Variants in FOXK1 observed in about 807,000 individuals in gnomAD.
FOXK1 encodes the protein forkhead box protein K1.
In FOXK1, 19 loss-of-function variants were observed where a neutral mutation model predicts 51.9. The observed-to-expected ratio is 0.37, with a 90% CI of 0.26 to 0.54. FOXK1 has a LOEUF of 0.54. Ranked by LOEUF, FOXK1 falls within the 20% of genes least tolerant of loss-of-function variation. The pLI is 0.87. For synonymous variants in FOXK1, 537 were observed against 482.6 expected, an observed-to-expected ratio of 1.11 and a Z score of -1.48; for missense variants, 870 against 1,032.7, an observed-to-expected ratio of 0.84 and a Z score of 2.16.
Position 4,687,595 on chromosome 7 carries a change from C to T in FOXK1, c.560+4727C>T, listed in dbSNP as rs1185588150. 4.6e-5 allele frequency among the ~76,000 whole-genome samples: 7 copies of T among 152,126 alleles called. 1 individual carries two copies. Among genetic ancestry groups the T allele is most frequent in the Admixed American group, 3.9e-4 (6 of 15,266 alleles). ...AGGCGTGAGCTACTACGCCCGGCCC[C>T]AACTGAATTCTTGATGCCACTTAAT... On this transcript the variant is annotated intron_variant, in intron 1 of 8. Coordinates refer to ENST00000328914, the MANE Select transcript of FOXK1 (RefSeq NM_001037165.2).
chr7:4,725,060 C>T (rs555611860), intron 1 of FOXK1, among the ~76,000 whole-genome samples: 3 of 152,368 alleles, frequency 2.0e-5, no homozygotes, highest in African/African-American at 7.2e-5. Flanking sequence ...CCCCCGAGGC[C>T]ATCCAAGCGC....
At chr7:4,700,679 G>A (rs1376135876) in intron 1 of FOXK1, among the ~76,000 whole-genome samples, 1 of 152,010 alleles carries the variant, frequency 6.6e-6, no homozygotes, top group Admixed American at 6.6e-5. Flanking sequence ...AGCCAGGTGT[G>A]GTATCATGCA....
rs961734390 is a variant in FOXK1 at position 4,768,072 on chromosome 7, C to T, written c.*5608C>T. 1 of 147,490 alleles carries T rather than the reference C, an allele frequency of 6.8e-6. No homozygotes were observed. Among genetic ancestry groups the T allele is most frequent in the African/African-American group, 2.5e-5 (1 of 40,322 alleles). 9.1% of individuals were successfully genotyped at this position (147,490 alleles called of 1,614,324 possible). Reference sequence around the variant, plus strand: ...GGGATTTTGGGGATACAACCACACACATTTCCCTCTGGACTGAAATTTTAA... The same window carrying T: ...GGGATTTTGGGGATACAACCACACATATTTCCCTCTGGACTGAAATTTTAA... On this transcript the variant is annotated 3_prime_UTR_variant, in exon 9 of 9. Coordinates refer to ENST00000328914, the MANE Select transcript of FOXK1 (RefSeq NM_001037165.2).
chr7:4,728,769 A>G (rs1780413694), intron 1 of FOXK1, among the ~76,000 whole-genome samples: 1 of 150,130 alleles, frequency 6.7e-6, no homozygotes, highest in Non-Finnish European at 1.5e-5. Flanking sequence ...AAGAAAACGT[A>G]TTTTTCTTAA....
intron 1 of FOXK1, among the ~76,000 whole-genome samples, chr7:4,725,692 G>T (rs1053318507): frequency 2.0e-5 from 3 of 152,286 alleles, no homozygotes; most frequent in African/African-American, 7.2e-5. Flanking sequence ...GACTGGCCCA[G>T]TGGGTGGCGA....
chr7:4,762,252 G>A lies in FOXK1; in HGVS notation c.1990G>A (p.Val664Met). The change falls in exon 9 of 9, where the codon GTG becomes ATG. Residue 664 changes from valine (V) to methionine (M), a missense_variant. Around this residue, in one of 3 missense-constraint regions of FOXK1, gnomAD observed 457 missense variants for 510.8 expected, o/e 0.89. Transcript: ENST00000328914. This position sits in a 1 kb window ranked among gnomAD's most constrained non-coding sequence, Gnocchi z 5.7. ...ATCCGCGCCGGTGGTGGTCACCCGG[G>A]TGTGCGAGGTGGGGCCCAAGGAGCC... ...SSSAPVVVTR[V>M]CEVGPKEPAA... is the part of the protein sequence containing the mutation. 1 of 1,552,048 alleles carries A rather than the reference G, an allele frequency of 6.4e-7. No homozygotes were observed. The highest frequency in any genetic ancestry group is 8.7e-7 in the Non-Finnish European group (1 of 1,147,394).
At chr7:4,689,160 TAG>T (rs1434683205) in intron 1 of FOXK1, among the ~76,000 whole-genome samples, 1 of 151,982 alleles carries the variant, frequency 6.6e-6, no homozygotes, top group Non-Finnish European at 1.5e-5. Flanking sequence ...GTATTTTTAG[TAG>T]AGAGGGGGTT....
chr7:4,736,729 A>G (rs182003240), intron 1 of FOXK1, among the ~76,000 whole-genome samples: 1 of 152,278 alleles, frequency 6.6e-6, no homozygotes, highest in Non-Finnish European at 1.5e-5. Context: ...TCAGGTTTTG[A>G]ACTGGAAAGC....
intron 1 of FOXK1, among the ~76,000 whole-genome samples, chr7:4,698,554 T>C (rs1779981242): frequency 6.6e-6 from 1 of 152,028 alleles, no homozygotes. Flanking sequence ...CGTACCTCTT[T>C]GTTGTTGTTG....
Position 4,682,733 on chromosome 7 carries a change from G to A in FOXK1, c.425G>A (p.Ser142Asn), listed in dbSNP as rs772471168. 2 of 1,604,204 alleles carry A rather than the reference G, an allele frequency of 1.2e-6. No individual in the cohort carries two copies. Among genetic ancestry groups the A allele is most frequent in the South Asian group, 2.2e-5 (2 of 90,456 alleles). ...GTGGACTTGAGCATGGGCCTGTCCA[G>A]CTTCATCTCGCGGCGCCACCTGCAG... is the stretch of plus-strand genomic sequence containing the variant. ...GSVDLSMGLSSFISRRHLQLS... is the reference protein window; with the variant it reads ...GSVDLSMGLSNFISRRHLQLS... Residue 142 changes from serine to asparagine, a missense_variant, in exon 1 of 9, where the codon AGC becomes AAC. Ser to Asn is a conservative substitution (Grantham distance 46, BLOSUM62 1). Transcript: ENST00000328914. This position sits in a 1 kb window ranked among gnomAD's most constrained non-coding sequence, Gnocchi z 7.6.
At chr7:4,746,319 T>A (rs1446940810) in intron 2 of FOXK1, among the ~76,000 whole-genome samples, 2 of 152,232 alleles carry the variant, frequency 1.3e-5, no homozygotes, top group Non-Finnish European at 2.9e-5. Context: ...CTTTTGAGTT[T>A]GGAGGTTATT....
In FOXK1 at chr7:4,715,244, T is replaced by C. The variant is rs1005299060; in HGVS notation, c.561-25594T>C. On this transcript the variant is annotated intron_variant, in intron 1 of 8. Transcript: ENST00000328914. This position sits in a 1 kb window ranked among gnomAD's most constrained non-coding sequence, Gnocchi z 4.5. Reference sequence around the variant, plus strand: ...TGTGATGATATCGGGCATGGCGAAATTGTGATACGGTGCATGGTGTTTTGT... The same window carrying C: ...TGTGATGATATCGGGCATGGCGAAACTGTGATACGGTGCATGGTGTTTTGT... Among the ~76,000 whole-genome samples the C allele has an allele frequency of 2.4e-5, 3 of 123,056 alleles. No homozygotes were observed. Among genetic ancestry groups the C allele is most frequent in the African/African-American group, 1.1e-4 (3 of 26,938 alleles). The allele number at this position is 123,056 out of a possible 152,430, so 80.7% of individuals were successfully genotyped here.
At position 4,731,631 on chromosome 7, in the gene FOXK1, G is replaced by C. The variant is rs1301128121; in HGVS notation, c.561-9207G>C. ...AAAAATTAGCCGGGCATGGTGGTGG[G>C]CACCTGTAATCCCAGCTACTCGGGA... is the stretch of plus-strand genomic sequence containing the variant. On this transcript the variant is annotated intron_variant, in intron 1 of 8. Coordinates refer to ENST00000328914, the MANE Select transcript of FOXK1 (RefSeq NM_001037165.2). The surrounding 1 kb of genome is among the most constrained non-coding windows in gnomAD (Gnocchi z 5.3). Among the ~76,000 whole-genome samples the C allele has an allele frequency of 6.6e-6, 1 of 151,902 alleles. No homozygotes were observed. Among genetic ancestry groups the C allele is most frequent in the African/African-American group, 2.4e-5 (1 of 41,346 alleles).
chr7:4,727,262 A>G (rs1340983050), intron 1 of FOXK1, among the ~76,000 whole-genome samples: 1 of 152,060 alleles, frequency 6.6e-6, no homozygotes, highest in Non-Finnish European at 1.5e-5. Context: ...TATTATTATT[A>G]TAGAATTTCA....
At chr7:4,718,713 C>T (rs1018465055) in intron 1 of FOXK1, among the ~76,000 whole-genome samples, 3 of 152,246 alleles carry the variant, frequency 2.0e-5, no homozygotes, top group African/African-American at 7.2e-5. Flanking sequence ...ACCTTCCTTC[C>T]ACCCATGTAT....
At chr7:4,686,984 G>T (rs1268842648) in intron 1 of FOXK1, among the ~76,000 whole-genome samples, 1 of 150,502 alleles carries the variant, frequency 6.6e-6, no homozygotes, top group Admixed American at 6.6e-5. Context: ...CGAGGCTGGA[G>T]TGCAGTGGCG....
chr7:4,690,283 G>A (rs886706305), intron 1 of FOXK1, among the ~76,000 whole-genome samples: 3 of 152,250 alleles, frequency 2.0e-5, no homozygotes, highest in Admixed American at 6.5e-5. Flanking sequence ...GAGCCGCTTC[G>A]CGGAACGGGG....
At chr7:4,740,142 A>G (rs756337532) in intron 1 of FOXK1, among the ~76,000 whole-genome samples, 3 of 152,098 alleles carry the variant, frequency 2.0e-5, no homozygotes, top group Non-Finnish European at 4.4e-5. Flanking sequence ...TAAAAATGCA[A>G]AAAATTGGCC....
Position 4,699,916 on chromosome 7 carries a change from C to G in FOXK1, c.560+17048C>G, listed in dbSNP as rs180887906. On this transcript the variant is annotated intron_variant, in intron 1 of 8. Coordinates refer to ENST00000328914, the MANE Select transcript of FOXK1 (RefSeq NM_001037165.2). ...TTCTCTTTGTTCCAGTATCTTAGAT[C>G]TCATTTCTTTGTGTTGTCTGGTTGA... Among the ~76,000 whole-genome samples the G allele has an allele frequency of 3.4e-3, 511 of 152,272 alleles. 3 individuals are homozygous for G. Among genetic ancestry groups the G allele is most frequent in the African/African-American group, 0.012 (482 of 41,542 alleles).
Sources: allele counts gnomAD v4.1 joint callset (sites outside exome capture counted in the v4.1 genomes callset), GRCh38; gene constraint gnomAD v4.1.1; regional missense constraint gnomAD v4.1.1; non-coding constraint Gnocchi (gnomAD v3.1); transcripts MANE v1.5; gene names NCBI Gene and HGNC (gene_info 2026-07-23, HGNC 2026-07-21).